SPAG16: variants seen among roughly 807,000 people sequenced by gnomAD.
The protein encoded by SPAG16 is sperm associated antigen 16.
In SPAG16, 86 loss-of-function variants were observed where a neutral mutation model predicts 80.4. That is an observed-to-expected ratio of 1.07 (90% CI 0.90 to 1.28). The LOEUF (loss-of-function observed/expected upper bound fraction) is 1.28, where lower values mean the gene tolerates loss of function less well. SPAG16 is among the 50% of genes most tolerant of loss of function. SPAG16 has a pLI of 0.00. For missense variants in SPAG16, 870 were observed against 765.3 expected (o/e 1.14, Z -1.61); for synonymous variants, 294 against 265.9 (o/e 1.11, Z -1.03).
intron 9 of SPAG16, among the ~76,000 whole-genome samples, chr2:213,404,604 C>T (rs920598746): frequency 2.0e-5 from 3 of 151,894 alleles, no homozygotes; most frequent in African/African-American, 7.3e-5. Flanking sequence ...CCATAAAAAC[C>T]CTAGAAGAAA....
intron 10 of SPAG16, among the ~76,000 whole-genome samples, chr2:213,787,432 CTT>C (rs1231675167): frequency 6.6e-6 from 1 of 151,886 alleles, no homozygotes; most frequent in Non-Finnish European, 1.5e-5. Context: ...TCTTTCATGA[CTT>C]GGGTTTAGAT....
chr2:213,357,302 G>A (rs1295519374), intron 7 of SPAG16, among the ~76,000 whole-genome samples: 1 of 152,204 alleles, frequency 6.6e-6, no homozygotes, highest in East Asian at 1.9e-4. Context: ...TTGAAGTCCT[G>A]GATATCCTTG....
At chr2:214,064,257 G>C (rs1334037398) in intron 13 of SPAG16, among the ~76,000 whole-genome samples, 1 of 151,830 alleles carries the variant, frequency 6.6e-6, no homozygotes, top group African/African-American at 2.4e-5. Flanking sequence ...TGTGGAGAGA[G>C]GACACTTTCA....
chr2:213,972,655 G>A (rs955122312), intron 12 of SPAG16, among the ~76,000 whole-genome samples: 18 of 152,222 alleles, frequency 1.2e-4, no homozygotes, highest in African/African-American at 4.1e-4. Context: ...CAGAAATAAC[G>A]TTTTGTCAGC....
At chr2:213,379,860 C>T (rs1243902307) in intron 9 of SPAG16, among the ~76,000 whole-genome samples, 1 of 152,168 alleles carries the variant, frequency 6.6e-6, no homozygotes, top group African/African-American at 2.4e-5. Context: ...ACCATGGCCA[C>T]TTTATTCATG....
chr2:213,800,249 T>C (rs1356022431), intron 10 of SPAG16, among the ~76,000 whole-genome samples: 2 of 152,106 alleles, frequency 1.3e-5, no homozygotes, highest in African/African-American at 4.8e-5. Context: ...TAAATCATGC[T>C]TCTGCCATAT....
chr2:213,380,243 C>T (rs1430262296), intron 9 of SPAG16, among the ~76,000 whole-genome samples: 1 of 152,230 alleles, frequency 6.6e-6, no homozygotes, highest in Non-Finnish European at 1.5e-5. Flanking sequence ...TTCCCTTCAT[C>T]ACTGTCTTTC....
chr2:214,252,141 T>G (rs187348364), intron 15 of SPAG16, among the ~76,000 whole-genome samples: 355 of 152,234 alleles, frequency 2.3e-3, no homozygotes, highest in Non-Finnish European at 3.9e-3. Context: ...ATGAAATTCT[T>G]TGAAATTTTT....
At chr2:214,117,438 C>T (rs1052673215) in intron 14 of SPAG16, among the ~76,000 whole-genome samples, 1 of 152,152 alleles carries the variant, frequency 6.6e-6, no homozygotes, top group African/African-American at 2.4e-5. Context: ...AGAGCTAATA[C>T]CAATGTTTCT....
chr2:214,298,318 T>C (rs2125946062), intron 15 of SPAG16, among the ~76,000 whole-genome samples: 1 of 152,240 alleles, frequency 6.6e-6, no homozygotes, highest in Non-Finnish European at 1.5e-5. Context: ...AAGTCATTTA[T>C]CAAAGTTAGG....
At chr2:213,928,068 A>T (rs1158430277) in intron 11 of SPAG16, among the ~76,000 whole-genome samples, 2 of 151,998 alleles carry the variant, frequency 1.3e-5, no homozygotes, top group Admixed American at 1.3e-4. Context: ...AAATTTGAAA[A>T]ATCAATTGGA....
chr2:213,734,204 T>C (rs750088380), intron 10 of SPAG16, among the ~76,000 whole-genome samples: 7 of 152,182 alleles, frequency 4.6e-5, no homozygotes, highest in Non-Finnish European at 1.0e-4. Flanking sequence ...TTGCAAGGAC[T>C]GTAAAATGAA....
intron 13 of SPAG16, among the ~76,000 whole-genome samples, chr2:214,101,119 G>T (rs71350776): frequency 0.4 from 61,261 of 151,756 alleles, 12,645 homozygotes; most frequent in African/African-American, 0.46. Context: ...TTTTTTGTCT[G>T]AAATATGACT....
At chr2:213,704,487 G>T (rs2065649335) in intron 10 of SPAG16, among the ~76,000 whole-genome samples, 1 of 152,110 alleles carries the variant, frequency 6.6e-6, no homozygotes, top group African/African-American at 2.4e-5. Flanking sequence ...CTGCTACTCT[G>T]TCTCTCAAAG....
chr2:213,642,927 G>A (rs982396527), intron 10 of SPAG16, among the ~76,000 whole-genome samples: 5 of 149,346 alleles, frequency 3.3e-5, no homozygotes, highest in African/African-American at 9.8e-5. Flanking sequence ...CGAACTCCAC[G>A]TTCTTCAGTT....
At chr2:213,470,165 C>T (rs1236510589) in intron 9 of SPAG16, among the ~76,000 whole-genome samples, 2 of 152,096 alleles carry the variant, frequency 1.3e-5, no homozygotes, top group African/African-American at 4.8e-5. Flanking sequence ...CTCATCCAAG[C>T]GAAGTATTAT....
chr2:213,463,592 G>A (rs988917653), intron 9 of SPAG16, among the ~76,000 whole-genome samples: 7 of 152,268 alleles, frequency 4.6e-5, no homozygotes, highest in Non-Finnish European at 8.8e-5. Flanking sequence ...CAAGCCCCAA[G>A]CCTTGGCAGC....
intron 15 of SPAG16, among the ~76,000 whole-genome samples, chr2:214,328,103 T>C (rs1696623502): frequency 6.6e-6 from 1 of 152,190 alleles, no homozygotes; most frequent in South Asian, 2.1e-4. Context: ...TCTGAACTTA[T>C]ATTGTACAGT....
At chr2:213,588,599 G>A (rs569156889) in intron 10 of SPAG16, among the ~76,000 whole-genome samples, 1 of 150,392 alleles carries the variant, frequency 6.6e-6, no homozygotes, top group East Asian at 2.0e-4. Flanking sequence ...TCAGGAGATC[G>A]AGACCATCCT....
Sources: allele counts gnomAD v4.1 joint callset (sites outside exome capture counted in the v4.1 genomes callset), GRCh38; gene constraint gnomAD v4.1.1; transcripts MANE v1.5; gene names NCBI Gene and HGNC (gene_info 2026-07-23, HGNC 2026-07-21).